MEIS2: variants seen among roughly 807,000 people sequenced by gnomAD.
MEIS2 encodes the protein homeobox protein Meis2.
In MEIS2, 9 loss-of-function variants were observed where a neutral mutation model predicts 58.6. The ratio of observed to expected loss-of-function variants is 0.15; its 90% CI spans 0.09 to 0.27. MEIS2 has a LOEUF of 0.27. Among genes scored for constraint, MEIS2 ranks in the 10% least tolerant of loss-of-function variants. The pLI is 1.00. For missense variants in MEIS2, 427 were observed against 635.0 expected (o/e 0.67, Z 3.52); for synonymous variants, 221 against 228.4 (o/e 0.97, Z 0.29).
intron 8 of MEIS2, among the ~76,000 whole-genome samples, chr15:36,990,007 C>G (rs2060216728): frequency 6.6e-6 from 1 of 152,156 alleles, no homozygotes; most frequent in South Asian, 2.1e-4. Flanking sequence ...TGCAGTGGCA[C>G]AATCTCGGCT....
At chr15:37,028,653 GC>G (rs1317478296) in intron 8 of MEIS2, among the ~76,000 whole-genome samples, 1 of 152,150 alleles carries the variant, frequency 6.6e-6, no homozygotes, top group African/African-American at 2.4e-5. Context: ...TTTGATAAAG[GC>G]AGAAGCTACA....
intron 9 of MEIS2, among the ~76,000 whole-genome samples, chr15:36,916,170 G>T (rs537438065): frequency 4.6e-5 from 7 of 151,936 alleles, no homozygotes; most frequent in African/African-American, 1.7e-4. Context: ...GCTCACGCCT[G>T]TAATCCTCGC....
chr15:37,094,085 C>A, intron 5 of MEIS2: 2 of 231,448 alleles, frequency 8.6e-6, no homozygotes, highest in South Asian at 7.5e-5. Context: ...AGAGCATTAA[C>A]GTTTGTGATT....
intron 8 of MEIS2, among the ~76,000 whole-genome samples, chr15:37,013,754 A>G (rs751411787): frequency 1.4e-4 from 22 of 152,032 alleles, no homozygotes; most frequent in Non-Finnish European, 2.4e-4. Flanking sequence ...AAATGACTAT[A>G]CCCATTTTAC....
intron 7 of MEIS2, among the ~76,000 whole-genome samples, chr15:37,079,757 A>T (rs1891944786): frequency 6.6e-6 from 1 of 152,178 alleles, no homozygotes; most frequent in African/African-American, 2.4e-5. Flanking sequence ...AGATGGGGAC[A>T]TCAACAGAGG....
chr15:36,917,129 C>G (rs565963598), intron 9 of MEIS2, among the ~76,000 whole-genome samples: 1 of 152,312 alleles, frequency 6.6e-6, no homozygotes, highest in African/African-American at 2.4e-5. Context: ...TGGGAACCAA[C>G]AGCAACCGGA....
intron 7 of MEIS2, among the ~76,000 whole-genome samples, chr15:37,041,802 AC>A (rs2062433880): frequency 6.6e-6 from 1 of 152,196 alleles, no homozygotes; most frequent in South Asian, 2.1e-4. Flanking sequence ...ATATATGTGC[AC>A]CTGGGATTAC....
intron 7 of MEIS2, among the ~76,000 whole-genome samples, chr15:37,066,881 G>T (rs1215592776): frequency 1.3e-5 from 2 of 150,334 alleles, no homozygotes; most frequent in South Asian, 2.1e-4. Context: ...GTTGATCAAG[G>T]GATCCTCCTG....
At chr15:36,992,137 G>A (rs1255842186) in intron 8 of MEIS2, among the ~76,000 whole-genome samples, 1 of 151,996 alleles carries the variant, frequency 6.6e-6, no homozygotes, top group East Asian at 1.9e-4. Context: ...TGAATTGCTA[G>A]TCGGCTTCAT....
intron 8 of MEIS2, among the ~76,000 whole-genome samples, chr15:36,962,909 T>C (rs576196485): frequency 4.3e-4 from 66 of 152,366 alleles, no homozygotes; most frequent in African/African-American, 1.6e-3. Flanking sequence ...TTTGTATGTA[T>C]GTACCATGAA....
chr15:36,895,928 A>G (rs141263730), intron 10 of MEIS2, among the ~76,000 whole-genome samples: 2 of 152,302 alleles, frequency 1.3e-5, no homozygotes, highest in Non-Finnish European at 2.9e-5. Context: ...TCATCACCCC[A>G]AGGAAAACTG....
intron 7 of MEIS2, among the ~76,000 whole-genome samples, chr15:37,074,914 G>A (rs1207544256): frequency 1.3e-5 from 2 of 151,972 alleles, no homozygotes; most frequent in Admixed American, 6.6e-5. Context: ...CTCACTACAA[G>A]GTTTTGCTTG....
At chr15:36,899,069 C>T (rs1314721703) in intron 9 of MEIS2, among the ~76,000 whole-genome samples, 1 of 152,166 alleles carries the variant, frequency 6.6e-6, no homozygotes, top group Non-Finnish European at 1.5e-5. Flanking sequence ...AGAGATTTTG[C>T]TTTTTTCACT....
rs952645480 is a variant in MEIS2, at chr15:36,889,444, G to C, written c.*2729C>G. ...TATCACTTCTCTGTGTTATCATGGG[G>C]TTGGGGGTGGGGGAGAGCAAGGTAA... is the stretch of plus-strand genomic sequence containing the variant. On this transcript the variant is annotated 3_prime_UTR_variant, in exon 12 of 12. Transcript: ENST00000561208. 1 of 152,058 alleles carries C rather than the reference G, an allele frequency of 6.6e-6. No individual in the cohort carries two copies. The highest frequency in any genetic ancestry group is 6.5e-5 in the Admixed American group (1 of 15,272). 9.4% of individuals were successfully genotyped at this position (152,058 alleles called of 1,614,324 possible).
intron 8 of MEIS2, among the ~76,000 whole-genome samples, chr15:36,996,516 T>G (rs1343510993): frequency 5.3e-5 from 8 of 152,212 alleles, no homozygotes; most frequent in African/African-American, 1.9e-4. Context: ...TGTATATTGT[T>G]GTTTAGCAAT....
intron 2 of MEIS2, 127 bp from the exon 3 acceptor site, chr15:37,096,557 C>A: frequency 8.9e-7 from 1 of 1,122,464 alleles, no homozygotes; most frequent in Non-Finnish European, 1.2e-6. Context: ...ACGCACCACA[C>A]TTTACAACCC....
chr15:37,043,932 C>A (rs2062552497), intron 7 of MEIS2, among the ~76,000 whole-genome samples: 1 of 152,010 alleles, frequency 6.6e-6, no homozygotes, highest in South Asian at 2.1e-4. Context: ...ATGATCTGCC[C>A]ACCTCGGCCT....
At chr15:37,038,250 G>A (rs2062244777) in intron 7 of MEIS2, among the ~76,000 whole-genome samples, 1 of 152,196 alleles carries the variant, frequency 6.6e-6, no homozygotes, top group African/African-American at 2.4e-5. Flanking sequence ...GTAGCTTTCT[G>A]AGGAATACTA....
At chr15:37,098,311 G>C (rs1260617370) in intron 1 of MEIS2, 112 bp from the exon 2 acceptor site, 1 of 1,194,966 alleles carries the variant, frequency 8.4e-7, no homozygotes, top group African/African-American at 1.7e-5. Flanking sequence ...AGAGAGGAAG[G>C]GATAAAGATG....
Sources: gnomAD v4.1 joint callset for allele counts (sites outside exome capture counted in the v4.1 genomes callset) on GRCh38, gnomAD v4.1.1 for gene constraint, MANE v1.5 for transcripts, NCBI Gene and HGNC (gene_info 2026-07-23, HGNC 2026-07-21) for gene names.